NBEA: variants seen among roughly 807,000 people sequenced by gnomAD.
The protein encoded by NBEA is lysosomal-trafficking regulator 2.
A neutral mutation model predicts 343.4 loss-of-function variants in NBEA; 44 were observed. The ratio of observed to expected loss-of-function variants is 0.13; its 90% CI spans 0.10 to 0.16. NBEA has a LOEUF of 0.16. Among genes scored for constraint, NBEA ranks in the 10% least tolerant of loss-of-function variants. The pLI is 1.00. For missense variants in NBEA, 2,555 were observed against 3,631.3 expected, an observed-to-expected ratio of 0.70 and a Z score of 7.62; for synonymous variants, 1,175 against 1,238.7, an observed-to-expected ratio of 0.95 and a Z score of 1.08.
rs139304132 is a variant in NBEA, at chr13:34,985,662, C to T, written c.294+42548C>T. ...TGGTAGAATTTGGTTGTGAATCCGT[C>T]TGGTCCTGGACTTTTTTTGGTTGGT... On this transcript the variant is annotated intron_variant, in intron 1 of 58. Coordinates refer to ENST00000379939, the MANE Select transcript of NBEA (RefSeq NM_001385012.1). Among the ~76,000 whole-genome samples the T allele has an allele frequency of 2.5e-3, 377 of 150,986 alleles. 5 individuals carry two copies. Among genetic ancestry groups the T allele is most frequent in the African/African-American group, 8.9e-3 (368 of 41,456 alleles).
chr13:35,109,072 G>T (rs1366779304), intron 11 of NBEA, among the ~76,000 whole-genome samples: 1 of 151,974 alleles, frequency 6.6e-6, no homozygotes, highest in Non-Finnish European at 1.5e-5. Flanking sequence ...ATCTGTAATT[G>T]TCTTAGATCA....
chr13:35,126,034 T>A (rs1438678981), intron 17 of NBEA, among the ~76,000 whole-genome samples: 1 of 152,182 alleles, frequency 6.6e-6, no homozygotes, highest in Admixed American at 6.5e-5. Flanking sequence ...TGATATGGTT[T>A]GGTTGTGTCC....
At chr13:35,009,752 A>G (rs7998348) in intron 1 of NBEA, among the ~76,000 whole-genome samples, 147,387 of 152,252 alleles carry the variant, frequency 0.97, 71,416 homozygotes, top group Non-Finnish European at 0.99. Context: ...GGGTGGATGC[A>G]GAGACACCAC....
At chr13:35,300,430 C>T (rs980663194) in intron 35 of NBEA, among the ~76,000 whole-genome samples, 9 of 152,050 alleles carry the variant, frequency 5.9e-5, no homozygotes, top group South Asian at 2.1e-4. Context: ...AATTCAGAAC[C>T]GTGTGTATCT....
intron 41 of NBEA, among the ~76,000 whole-genome samples, chr13:35,508,034 T>G (rs1485632926): frequency 6.6e-6 from 1 of 152,198 alleles, no homozygotes; most frequent in African/African-American, 2.4e-5. Context: ...CTTTGTTTCA[T>G]TATTACCCTT....
chr13:35,643,652 GA>G (rs759313670), intron 49 of NBEA, among the ~76,000 whole-genome samples: 11 of 152,154 alleles, frequency 7.2e-5, no homozygotes, highest in Non-Finnish European at 1.5e-4. Flanking sequence ...TAGTAAAGGA[GA>G]AAAATGTGCT....
At chr13:34,980,357 A>G (rs1746670761) in intron 1 of NBEA, among the ~76,000 whole-genome samples, 3 of 151,850 alleles carry the variant, frequency 2.0e-5, no homozygotes, top group African/African-American at 7.2e-5. Flanking sequence ...TCTCTAATTT[A>G]CTAGATCTTT....
chr13:35,241,228 A>G (rs1337680987), intron 34 of NBEA, among the ~76,000 whole-genome samples: 1 of 151,972 alleles, frequency 6.6e-6, no homozygotes, highest in African/African-American at 2.4e-5. Context: ...TAGCAGTAGC[A>G]CAGAGATAGA....
intron 1 of NBEA, among the ~76,000 whole-genome samples, chr13:34,971,023 A>G (rs1189938535): frequency 3.3e-4 from 50 of 151,814 alleles, no homozygotes; most frequent in Admixed American, 3.3e-3. Flanking sequence ...ATGTTTTTCT[A>G]TTTGTTTGTG....
At chr13:35,591,265 A>T (rs967556655) in intron 46 of NBEA, among the ~76,000 whole-genome samples, 67 of 152,222 alleles carry the variant, frequency 4.4e-4, no homozygotes, top group African/African-American at 1.6e-3. Context: ...TAAATCTGTC[A>T]TATTGCATTC....
At chr13:35,371,167 T>A (rs993235952) in intron 38 of NBEA, among the ~76,000 whole-genome samples, 1 of 152,146 alleles carries the variant, frequency 6.6e-6, no homozygotes, top group Admixed American at 6.5e-5. Flanking sequence ...CTTACTAGAC[T>A]TGGGAAATAT....
chr13:35,374,131 A>G (rs533636946), intron 38 of NBEA, among the ~76,000 whole-genome samples: 3 of 152,322 alleles, frequency 2.0e-5, no homozygotes, highest in South Asian at 4.1e-4. Context: ...ACTTTAAATG[A>G]AAGACACCAC....
intron 28 of NBEA, among the ~76,000 whole-genome samples, chr13:35,179,019 T>G (rs1397278363): frequency 6.6e-6 from 1 of 151,626 alleles, no homozygotes; most frequent in Non-Finnish European, 1.5e-5. Flanking sequence ...GTTTAAATTG[T>G]TAGTAAATTT....
chr13:35,108,522 A>G (rs1400790713), intron 11 of NBEA, among the ~76,000 whole-genome samples: 1 of 152,090 alleles, frequency 6.6e-6, no homozygotes, highest in Non-Finnish European at 1.5e-5. Context: ...AATATGCAAT[A>G]TATTATTTCA....
In NBEA at chr13:34,942,482, C is replaced by G. The variant is rs990962016; in HGVS notation, c.-339C>G. The G allele has an allele frequency of 5.9e-6, 1 of 170,154 alleles. No individual in the cohort carries two copies. Among genetic ancestry groups the G allele is most frequent in the Non-Finnish European group, 1.3e-5 (1 of 79,936 alleles). The allele number at this position is 170,154 out of a possible 1,614,324, so 10.5% of individuals were successfully genotyped here. ...CTGCAGCATCTCCGCGGGGGGCGGG[C>G]CGGGCCGGACAGACCGGGAGAGGGA... On this transcript the variant is annotated 5_prime_UTR_variant, in exon 1 of 59. Transcript: ENST00000379939.
intron 38 of NBEA, among the ~76,000 whole-genome samples, chr13:35,399,481 A>G (rs1194609632): frequency 6.6e-6 from 1 of 152,098 alleles, no homozygotes; most frequent in Admixed American, 6.6e-5. Context: ...ATCAGGTTTC[A>G]TGAGAACTCA....
intron 1 of NBEA, among the ~76,000 whole-genome samples, chr13:34,953,920 C>T (rs770159338): frequency 2.0e-5 from 3 of 152,128 alleles, no homozygotes; most frequent in South Asian, 2.1e-4. Context: ...TCATGAACTG[C>T]GCAAGCAAGG....
intron 38 of NBEA, among the ~76,000 whole-genome samples, chr13:35,384,177 C>T (rs1416756552): frequency 1.3e-5 from 2 of 152,182 alleles, no homozygotes; most frequent in Non-Finnish European, 2.9e-5. Flanking sequence ...ACATGAACAA[C>T]ATGAATATTA....
At chr13:35,410,959 A>G (rs1322749306) in intron 38 of NBEA, among the ~76,000 whole-genome samples, 1 of 152,100 alleles carries the variant, frequency 6.6e-6, no homozygotes, top group Admixed American at 6.6e-5. Flanking sequence ...CTCTCATAAT[A>G]AGCAGATATT....
Sources: gnomAD v4.1 joint callset for allele counts (sites outside exome capture counted in the v4.1 genomes callset) on GRCh38, gnomAD v4.1.1 for gene constraint, MANE v1.5 for transcripts, NCBI Gene and HGNC (gene_info 2026-07-23, HGNC 2026-07-21) for gene names.